SRP68: variants seen among roughly 807,000 people sequenced by gnomAD.
The protein encoded by SRP68 is signal recognition particle subunit SRP68.
SRP68 carries 15 observed loss-of-function variants against 82.2 expected under a neutral mutation model. That is an observed-to-expected ratio of 0.18 (90% CI 0.12 to 0.28). The LOEUF is 0.28. SRP68 is among the 10% of genes least tolerant of loss of function. The probability of loss-of-function intolerance (pLI) is 1.00; values close to 1 mark genes in which losing one functional copy is unlikely to be tolerated. For synonymous variants in SRP68, 261 were observed against 292.6 expected (o/e 0.89, Z 1.10); for missense variants, 595 against 780.5 (o/e 0.76, Z 2.83).
chr17:76,071,321 T>A lies in SRP68; in HGVS notation c.185-877A>T, dbSNP rs2066851347. ...TCTTTCAAAAGAAGAATGGCCAGAT[T>A]CTCCTTTTAATAATCTTAAAATATT... On this transcript the variant is annotated intron_variant, in intron 1 of 15. Coordinates refer to ENST00000307877, the MANE Select transcript of SRP68 (RefSeq NM_014230.4). The surrounding 1 kb of genome is among the most constrained non-coding windows in gnomAD (Gnocchi z 4.7). 6.6e-6 allele frequency among the ~76,000 whole-genome samples: 1 copy of A among 152,158 alleles called. No individual in the cohort carries two copies. Among genetic ancestry groups the A allele is most frequent in the Non-Finnish European group, 1.5e-5 (1 of 68,038 alleles).
intron 13 of SRP68, among the ~76,000 whole-genome samples, chr17:76,041,816 CCT>C (rs1234236609): frequency 1.3e-5 from 2 of 152,080 alleles, no homozygotes; most frequent in South Asian, 2.1e-4. Flanking sequence ...CTTCTCTACC[CCT>C]CTGAGCTTGC....
chr17:76,062,448 T>C (rs2066759384), intron 4 of SRP68, among the ~76,000 whole-genome samples: 1 of 129,618 alleles, frequency 7.7e-6, no homozygotes, highest in Non-Finnish European at 1.6e-5. Context: ...ACTCTCTTTC[T>C]AAAAAACAAA....
At chr17:76,062,732 T>TACA (rs2066772707) in intron 4 of SRP68, among the ~76,000 whole-genome samples, 7 of 2,148 alleles carry the variant, frequency 3.3e-3, no homozygotes, top group African/African-American at 0.021. Flanking sequence ...ATTTATTTTA[T>TACA]ATATATATAT....
intron 4 of SRP68, among the ~76,000 whole-genome samples, chr17:76,062,741 A>ACAT (rs2066774302): frequency 7.2e-5 from 2 of 27,926 alleles, no homozygotes; most frequent in African/African-American, 4.2e-4. Flanking sequence ...ATATATATAT[A>ACAT]TATATATATA....
intron 3 of SRP68, among the ~76,000 whole-genome samples, chr17:76,064,840 CA>C (rs11329369): frequency 0.47 from 39,278 of 83,536 alleles, 5,757 homozygotes; most frequent in Admixed American, 0.56. Flanking sequence ...GACTCCATCT[CA>C]AAAAAAAAAA....
rs772275472 is a variant in SRP68, at chr17:76,060,311, C to T, written c.834G>A (p.Leu278=). The part of the protein sequence containing the change: ...GGTEGLLAEK[L]EALITQTRAK... ...AAAAATGTACATACTAGATTACCTC[C>T]AATTTTTCAGCCAAGAGACCCTCAG... is the stretch of plus-strand genomic sequence containing the variant. Residue 278 remains leucine (L), a synonymous_variant, in exon 7 of 16, where the codon TTG becomes TTA. Coordinates refer to ENST00000307877, the MANE Select transcript of SRP68 (RefSeq NM_014230.4). 6.2e-7 allele frequency: 1 copy of T among 1,609,602 alleles called. No homozygotes were observed. Among genetic ancestry groups the T allele is most frequent in the South Asian group, 1.1e-5 (1 of 90,828 alleles).
At chr17:76,068,381 G>A (rs1020148855) in intron 2 of SRP68, among the ~76,000 whole-genome samples, 1 of 151,390 alleles carries the variant, frequency 6.6e-6, no homozygotes, top group African/African-American at 2.4e-5. Flanking sequence ...GCTTAAACCC[G>A]GGAGGTGGAG....
chr17:76,054,434 G>A (rs1344308494), intron 8 of SRP68, among the ~76,000 whole-genome samples: 1 of 152,116 alleles, frequency 6.6e-6, no homozygotes, highest in Non-Finnish European at 1.5e-5. Context: ...GGTAAAGAAG[G>A]AAACAAATCT....
At chr17:76,065,415 G>A (rs2066799238) in intron 3 of SRP68, among the ~76,000 whole-genome samples, 1 of 145,728 alleles carries the variant, frequency 6.9e-6, no homozygotes, top group Non-Finnish European at 1.5e-5. Context: ...ACTCCAGCCT[G>A]GGTGACAGTG....
chr17:76,063,256 T>G (rs2066782756), intron 4 of SRP68, among the ~76,000 whole-genome samples: 1 of 152,214 alleles, frequency 6.6e-6, no homozygotes, highest in South Asian at 2.1e-4. Context: ...GCATCAGAAG[T>G]TGAATAAAAC....
chr17:76,042,337 C>T (rs920188241), intron 13 of SRP68, among the ~76,000 whole-genome samples: 26 of 151,726 alleles, frequency 1.7e-4, no homozygotes, highest in African/African-American at 6.3e-4. Context: ...GGAGTAGTGG[C>T]TCACGCCTGT....
rs2066849174 is a variant in SRP68, at chr17:76,071,009, A to G, written c.185-565T>C. Among the ~76,000 whole-genome samples, 1 of 152,208 alleles carries G rather than the reference A, an allele frequency of 6.6e-6. No homozygotes were observed. The highest frequency in any genetic ancestry group is 1.5e-5 in the Non-Finnish European group (1 of 68,042). On this transcript the variant is annotated intron_variant, in intron 1 of 15. Coordinates refer to ENST00000307877, the MANE Select transcript of SRP68 (RefSeq NM_014230.4). This position sits in a 1 kb window ranked among gnomAD's most constrained non-coding sequence, Gnocchi z 4.7. ...ACTGTTACTACTTGCAAACTGAAAA[A>G]GGAGGGCACTACTGGCCACTGGAAA... is the stretch of plus-strand genomic sequence containing the variant.
chr17:76,063,261 T>TA (rs1427308261), intron 4 of SRP68, among the ~76,000 whole-genome samples: 4 of 152,228 alleles, frequency 2.6e-5, no homozygotes, highest in Non-Finnish European at 4.4e-5. Context: ...AGAAGTTGAA[T>TA]AAAACCTTGC....
intron 10 of SRP68, among the ~76,000 whole-genome samples, chr17:76,046,566 C>T (rs940356771): frequency 4.6e-5 from 7 of 151,142 alleles, no homozygotes; most frequent in African/African-American, 1.5e-4. Flanking sequence ...CAGTGAGCTA[C>T]GATCACACCA....
Position 76,039,911 on chromosome 17 carries a change from G to T in SRP68, c.1679C>A (p.Thr560Lys). The change falls in exon 16 of 16, where the codon ACA becomes AAA. Residue 560 changes from threonine to lysine, a missense_variant. This residue lies in a region of SRP68 where 495 missense variants were observed against 688.6 expected (regional missense o/e 0.72). Transcript: ENST00000307877. The part of the protein sequence containing the change: ...DNKPLVERFE[T>K]FCLDPSLVTK... ...GACAAGGGAAGGGTCCAGGCAGAAT[G>T]TCTCAAACCGTTCAACCAGAGGCTG... is the stretch of plus-strand genomic sequence containing the variant. 3.1e-6 allele frequency: 5 copies of T among 1,614,228 alleles called. No individual in the cohort carries two copies. The highest frequency in any genetic ancestry group is 4.2e-6 in the Non-Finnish European group (5 of 1,180,034).
rs780715550 is a variant in SRP68 at position 76,050,501 on chromosome 17, C to T, written c.1004G>A (p.Arg335His). 5.0e-6 allele frequency: 8 copies of T among 1,613,520 alleles called. No individual in the cohort carries two copies. Among genetic ancestry groups the T allele is most frequent in the Admixed American group, 1.7e-5 (1 of 59,952 alleles). The change falls in exon 9 of 16, where the codon CGC (arginine) becomes CAC (histidine). Residue 335 changes from arginine to histidine, a missense_variant. By Grantham distance (29) the Arg-to-His change is conservative. Around this residue, in one of 2 missense-constraint regions of SRP68, gnomAD observed 495 missense variants for 688.6 expected, o/e 0.72. Transcript: ENST00000307877. ...CTCGCTGAGCATTGATTCAAACAGG[C>T]GCTCCTTAGTTTCTTCGCTTTCAGC... ...VQAESEETKE[R>H]LFESMLSECR...
At chr17:76,056,948 C>T (rs2066717743) in intron 8 of SRP68, among the ~76,000 whole-genome samples, 1 of 152,230 alleles carries the variant, frequency 6.6e-6, no homozygotes, top group African/African-American at 2.4e-5. Flanking sequence ...AACAGTTTTG[C>T]ATGAATATTA....
Position 76,046,105 on chromosome 17 carries a change from G to GGCT in SRP68, c.1229_1231dup (p.Gln410dup), listed in dbSNP as rs773049303. ...GGGTGAGCGCTTGCTGTCATCCTCT[G>GGCT]GCTGCTGCTGCAGCAGAGCCCTCTG... is the stretch of plus-strand genomic sequence containing the variant. On this transcript the variant is annotated inframe_insertion, in exon 11 of 16. Transcript: ENST00000307877. 1 of 1,613,864 alleles carries GGCT rather than the reference G, an allele frequency of 6.2e-7. No individual in the cohort carries two copies. Among genetic ancestry groups the GGCT allele is most frequent in the Non-Finnish European group, 8.5e-7 (1 of 1,179,846 alleles).
At chr17:76,066,701 CA>C (rs1681649475) in intron 3 of SRP68, among the ~76,000 whole-genome samples, 1 of 149,886 alleles carries the variant, frequency 6.7e-6, no homozygotes, top group African/African-American at 2.5e-5. Flanking sequence ...AGGGGGGCTC[CA>C]AAGCTGAGAC....
Sources: gnomAD v4.1 joint callset for allele counts (sites outside exome capture counted in the v4.1 genomes callset) on GRCh38, gnomAD v4.1.1 for gene constraint, gnomAD v4.1.1 regional missense constraint, Gnocchi (gnomAD v3.1) non-coding constraint, MANE v1.5 for transcripts, NCBI Gene and HGNC (gene_info 2026-07-23, HGNC 2026-07-21) for gene names.